Variants in PLPP4 observed in about 807,000 individuals in gnomAD.
PLPP4 encodes phospholipid phosphatase 4.
A neutral mutation model predicts 32.2 loss-of-function variants in PLPP4; 20 were observed. The observed-to-expected ratio is 0.62, with a 90% CI of 0.44 to 0.90. PLPP4 has a LOEUF of 0.90. PLPP4 is among the 40% of genes least tolerant of loss of function. The pLI is 0.00. For synonymous variants in PLPP4, 127 were observed against 133.0 expected, an observed-to-expected ratio of 0.95 and a Z score of 0.31; for missense variants, 257 against 353.1, an observed-to-expected ratio of 0.73 and a Z score of 2.18.
intron 5 of PLPP4, among the ~76,000 whole-genome samples, chr10:120,548,113 T>A (rs1412234674): frequency 1.3e-5 from 2 of 152,112 alleles, no homozygotes; most frequent in African/African-American, 4.8e-5. Context: ...GGTATATGTG[T>A]AGGTTTGCTA....
chr10:120,563,501 T>TA (rs1848528324), intron 5 of PLPP4, among the ~76,000 whole-genome samples: 1 of 151,908 alleles, frequency 6.6e-6, no homozygotes, highest in Non-Finnish European at 1.5e-5. Flanking sequence ...CCTAGAGTTA[T>TA]AAAAATCTTG....
chr10:120,558,368 T>C (rs901812859), intron 5 of PLPP4, among the ~76,000 whole-genome samples: 2 of 151,764 alleles, frequency 1.3e-5, no homozygotes, highest in African/African-American at 4.8e-5. Context: ...TTCTATTTAT[T>C]GATGTATGTA....
At chr10:120,554,651 C>G (rs1388222237) in intron 5 of PLPP4, among the ~76,000 whole-genome samples, 1 of 93,540 alleles carries the variant, frequency 1.1e-5, no homozygotes, top group Non-Finnish European at 2.1e-5. Flanking sequence ...GTTCTGCAGG[C>G]TGTACAGGGA....
At chr10:120,540,740 A>G (rs1221234675) in intron 5 of PLPP4, among the ~76,000 whole-genome samples, 1 of 152,234 alleles carries the variant, frequency 6.6e-6, no homozygotes. Context: ...CCTGTTATGC[A>G]CTAGTATGAA....
chr10:120,583,020 G>A (rs1365392422), intron 6 of PLPP4, among the ~76,000 whole-genome samples: 2 of 151,898 alleles, frequency 1.3e-5, no homozygotes, highest in Non-Finnish European at 2.9e-5. Flanking sequence ...CAGAATCACT[G>A]GAAAGAATAA....
intron 1 of PLPP4, among the ~76,000 whole-genome samples, chr10:120,489,687 T>C (rs1455111697): frequency 1.3e-5 from 2 of 152,056 alleles, no homozygotes; most frequent in Non-Finnish European, 2.9e-5. Flanking sequence ...AAGCCAGAAA[T>C]TCAGATGTTA....
At chr10:120,520,843 A>C (rs778325235) in intron 4 of PLPP4, 128 bp from the exon 5 acceptor site, 24 of 1,114,386 alleles carry the variant, frequency 2.2e-5, no homozygotes, top group Non-Finnish European at 3.1e-5. Context: ...TTCTGTGAGG[A>C]GCTCCAGTGT....
rs1228420278 is a variant in PLPP4 at position 120,528,071 on chromosome 10, T to TTTG, written c.445+6978_445+6979insGTT. ...AAATTTGAAAAATACCACTCTCCGT[T>TTTG]TTTTTTTTTTTTTTTTTTTTTGAGG... is the stretch of plus-strand genomic sequence containing the variant. On this transcript the variant is annotated intron_variant, in intron 5 of 6. Transcript: ENST00000398250. 3.3e-4 allele frequency among the ~76,000 whole-genome samples: 39 copies of TTTG among 117,430 alleles called. 1 individual carries two copies. The highest frequency in any genetic ancestry group is 8.9e-4 in the African/African-American group (23 of 25,954). 77.0% of individuals were successfully genotyped at this position (117,430 alleles called of 152,430 possible). A position where few individuals can be genotyped will look rare whatever the true frequency, so the allele number is the denominator to read the frequency against.
At chr10:120,483,630 G>A (rs1459528405) in intron 1 of PLPP4, among the ~76,000 whole-genome samples, 2 of 152,310 alleles carry the variant, frequency 1.3e-5, no homozygotes, top group South Asian at 2.1e-4. Context: ...TTTGATCACC[G>A]ATGTTGGAGG....
chr10:120,474,738 G>A (rs1230447173), intron 1 of PLPP4, among the ~76,000 whole-genome samples: 2 of 152,150 alleles, frequency 1.3e-5, no homozygotes, highest in African/African-American at 4.8e-5. Context: ...TAGAGATGAT[G>A]ATATGATAAT....
At chr10:120,586,466 A>G (rs748685370) in intron 6 of PLPP4, among the ~76,000 whole-genome samples, 6 of 152,032 alleles carry the variant, frequency 3.9e-5, no homozygotes, top group Non-Finnish European at 5.9e-5. Context: ...AAATAATCTC[A>G]ATGTGTGGCC....
intron 5 of PLPP4, among the ~76,000 whole-genome samples, chr10:120,556,272 G>A (rs993920788): frequency 6.6e-6 from 1 of 152,178 alleles, no homozygotes; most frequent in African/African-American, 2.4e-5. Flanking sequence ...AGTGCCCTGG[G>A]GGGTAATTCT....
Position 120,518,827 on chromosome 10 carries a change from T to C in PLPP4, c.257-6T>C. 1 of 1,611,250 alleles carries C rather than the reference T, an allele frequency of 6.2e-7. No homozygotes were observed. The highest frequency in any genetic ancestry group is 8.5e-7 in the Non-Finnish European group (1 of 1,178,528). On this transcript the variant is annotated splice_polypyrimidine_tract_variant and splice_region_variant and intron_variant, in intron 3 of 6. Transcript: ENST00000398250. ...TATTTTTCTGTCTGTTGGTTTTGTT[T>C]TGTAGCGGTGTCCTTGGCTCTTGCT...
At chr10:120,469,173 A>G (rs188610071) in intron 1 of PLPP4, among the ~76,000 whole-genome samples, 1 of 63,810 alleles carries the variant, frequency 1.6e-5, no homozygotes, top group African/African-American at 3.3e-5. Context: ...GTGAAATTTT[A>G]TGATGTAATA....
intron 1 of PLPP4, among the ~76,000 whole-genome samples, chr10:120,500,348 G>A (rs1373677900): frequency 6.6e-6 from 1 of 152,192 alleles, no homozygotes; most frequent in African/African-American, 2.4e-5. Context: ...GTGGGGGTGT[G>A]TGGCCATCAC....
At chr10:120,573,237 T>G (rs1849026209) in intron 5 of PLPP4, among the ~76,000 whole-genome samples, 1 of 152,214 alleles carries the variant, frequency 6.6e-6, no homozygotes. Flanking sequence ...ACATTTAGAT[T>G]TACTTTCTTT....
chr10:120,506,800 A>T (rs906222661), intron 2 of PLPP4, among the ~76,000 whole-genome samples: 1 of 152,232 alleles, frequency 6.6e-6, no homozygotes, highest in Non-Finnish European at 1.5e-5. Context: ...CTGTGGCACC[A>T]TTAGCTCAGG....
chr10:120,457,129 G>T, upstream of PLPP4: 1 of 263,366 alleles, frequency 3.8e-6, no homozygotes, highest in South Asian at 1.5e-4. Flanking sequence ...CCCGAGGCGC[G>T]AGGTTTAGGC....
intron 1 of PLPP4, among the ~76,000 whole-genome samples, chr10:120,496,313 T>C (rs1185032715): frequency 2.0e-5 from 3 of 152,248 alleles, no homozygotes; most frequent in South Asian, 2.1e-4. Context: ...CTGTCCCTTG[T>C]CATGGACTTG....
Sources: gnomAD v4.1 joint callset for allele counts (sites outside exome capture counted in the v4.1 genomes callset) on GRCh38, gnomAD v4.1.1 for gene constraint, MANE v1.5 for transcripts, NCBI Gene and HGNC (gene_info 2026-07-23, HGNC 2026-07-21) for gene names.